The following FNDC4 variants were observed in gnomAD, a reference collection of about 807,000 sequenced individuals.
FNDC4 encodes fibronectin type III domain containing 4.
Under a neutral mutation model 25.1 loss-of-function variants are expected in FNDC4, and 11 were observed. The observed-to-expected ratio is 0.44, with a 90% CI of 0.28 to 0.73. The LOEUF (loss-of-function observed/expected upper bound fraction) is 0.73. Ranked by LOEUF, FNDC4 falls within the 30% of genes least tolerant of loss-of-function variation. FNDC4 has a pLI of 0.16. For synonymous variants in FNDC4, 136 were observed against 118.8 expected (o/e 1.14, Z -0.94); for missense variants, 250 against 304.3 (o/e 0.82, Z 1.33).
At position 27,494,343 on chromosome 2, in the gene FNDC4, A is replaced by G. The variant is rs779407934; in HGVS notation, c.249+8T>C. The G allele has an allele frequency of 6.2e-7, 1 of 1,605,872 alleles. No homozygotes were observed. The highest frequency in any genetic ancestry group is 2.2e-5 in the East Asian group (1 of 44,836). ...CACAGGTTGGGGGAGCAGAAGGGTG[A>G]TTCATACTTGCTGGGAAATGGAGTA... On this transcript the variant is annotated splice_region_variant and intron_variant, in intron 3 of 6. Transcript: ENST00000264703. This position sits in a 1 kb window ranked among gnomAD's most constrained non-coding sequence, Gnocchi z 4.6.
chr2:27,492,624 G>C lies in FNDC4; in HGVS notation c.669+42C>G, dbSNP rs374384935. On this transcript the variant is annotated intron_variant, in intron 6 of 6. Coordinates refer to ENST00000264703, the MANE Select transcript of FNDC4 (RefSeq NM_022823.3). This position sits in a 1 kb window ranked among gnomAD's most constrained non-coding sequence, Gnocchi z 4.1. Reference sequence around the variant, plus strand: ...CTTCCTTTCCCTGGCTGCCCCTCAGGGGCAGAATCACCCTTTCCGCCCTCA... The same window carrying C: ...CTTCCTTTCCCTGGCTGCCCCTCAGCGGCAGAATCACCCTTTCCGCCCTCA... 10 of 1,613,238 alleles carry C rather than the reference G, an allele frequency of 6.2e-6. No homozygotes were observed. Among genetic ancestry groups the C allele is most frequent in the Non-Finnish European group, 8.5e-6 (10 of 1,179,420 alleles).
chr2:27,494,234 G>T lies in FNDC4; in HGVS notation c.250-100C>A. 1 of 1,404,062 alleles carries T rather than the reference G, an allele frequency of 7.1e-7. No homozygotes were observed. Among genetic ancestry groups the T allele is most frequent in the Admixed American group, 1.9e-5 (1 of 52,404 alleles). The allele number at this position is 1,404,062 out of a possible 1,614,324, so 87.0% of individuals were successfully genotyped here. A position where few individuals can be genotyped will look rare whatever the true frequency, so the allele number is the denominator to read the frequency against. On this transcript the variant is annotated intron_variant, in intron 3 of 6. Coordinates refer to ENST00000264703, the MANE Select transcript of FNDC4 (RefSeq NM_022823.3). The surrounding 1 kb of genome is among the most constrained non-coding windows in gnomAD (Gnocchi z 4.6). ...AACATCCAAGCACTCCGGGGGAGTAGCGTGAAAAGGGCAGCCTGAGCCAGG... is the reference window on the plus strand; with the variant it reads ...AACATCCAAGCACTCCGGGGGAGTATCGTGAAAAGGGCAGCCTGAGCCAGG...
intron 5 of FNDC4, 22 bp downstream of exon 5, chr2:27,493,367 C>T (rs768167526): frequency 1.3e-6 from 2 of 1,596,778 alleles, no homozygotes; most frequent in South Asian, 1.1e-5. Flanking sequence ...GTCCCTGGTC[C>T]CCTGTCTAGC....
rs200359139 is a variant in FNDC4, at chr2:27,494,652, G to A, written c.28C>T (p.Pro10Ser). The A allele has an allele frequency of 2.5e-6, 4 of 1,582,206 alleles. No individual in the cohort carries two copies. The highest frequency in any genetic ancestry group is 1.9e-5 in the Admixed American group (1 of 51,732). Residue 10 changes from proline to serine, a missense_variant, in exon 2 of 7, where the codon CCC (proline) becomes TCC (serine). Pro to Ser is a moderately conservative substitution (Grantham distance 74). Transcript: ENST00000264703. This position sits in a 1 kb window ranked among gnomAD's most constrained non-coding sequence, Gnocchi z 4.6. The part of the protein sequence containing the change: MPSGCHSSP[P>S]SGLRGDMASL... The stretch of plus-strand genomic sequence containing the variant: ...GCCATGTCCCCACGGAGTCCGCTGG[G>A]GGGGGAACTGTGGCATCCGCTTGGC...
Position 27,494,417 on chromosome 2 carries a change from G to A in FNDC4, c.183C>T (p.Asn61=), listed in dbSNP as rs760863899. The A allele has an allele frequency of 1.9e-6, 3 of 1,614,114 alleles. No individual in the cohort carries two copies. Among genetic ancestry groups the A allele is most frequent in the African/African-American group, 2.7e-5 (2 of 74,940 alleles). Residue 61 remains asparagine (N), a synonymous_variant, in exon 3 of 7, where the codon AAC becomes AAT. Transcript: ENST00000264703. The surrounding 1 kb of genome is among the most constrained non-coding windows in gnomAD (Gnocchi z 4.6). ...VNVTVTHLRA[N]SATVSWDVPE... ...GGACGTCCCAGGACACAGTGGCCGA[G>A]TTGGCTCTGAGGTGAGTGACCGTCA...
At position 27,492,620 on chromosome 2, in the gene FNDC4, T is replaced by G; in HGVS notation, c.669+46A>C. 3 of 1,613,070 alleles carry G rather than the reference T, an allele frequency of 1.9e-6. No homozygotes were observed. The highest frequency in any genetic ancestry group is 2.5e-6 in the Non-Finnish European group (3 of 1,179,124). On this transcript the variant is annotated intron_variant, in intron 6 of 6. Transcript: ENST00000264703. This position sits in a 1 kb window ranked among gnomAD's most constrained non-coding sequence, Gnocchi z 4.1. The stretch of plus-strand genomic sequence containing the variant: ...CCTTCTTCCTTTCCCTGGCTGCCCC[T>G]CAGGGGCAGAATCACCCTTTCCGCC...
rs1461986116 is a variant in FNDC4 at position 27,494,097 on chromosome 2, A to G, written c.287T>C (p.Val96Ala). 1 of 1,613,912 alleles carries G rather than the reference A, an allele frequency of 6.2e-7. No homozygotes were observed. The change falls in exon 4 of 7, where the codon GTG becomes GCG. Residue 96 changes from valine (V) to alanine (A), a missense_variant. By Grantham distance (64) the Val-to-Ala change is moderately conservative. Transcript: ENST00000264703. This position sits in a 1 kb window ranked among gnomAD's most constrained non-coding sequence, Gnocchi z 4.6. ...GGCACAGGCCCGGGTGGTGGTGTTC[A>G]CCTCCCGAATCACACGCTGCCCGGG... ...NGPGQRVIRE[V>A]NTTTRACALW...
Position 27,492,380 on chromosome 2 carries a change from C to A in FNDC4, c.*63G>T. On this transcript the variant is annotated 3_prime_UTR_variant, in exon 7 of 7. Coordinates refer to ENST00000264703, the MANE Select transcript of FNDC4 (RefSeq NM_022823.3). The surrounding 1 kb of genome is among the most constrained non-coding windows in gnomAD (Gnocchi z 4.1). ...CTCGGGCAGATCACCATCTTGGGCT[C>A]CCCCTGACCCCATCCCTATCCCCAG... The A allele has an allele frequency of 6.2e-7, 1 of 1,606,468 alleles. No individual in the cohort carries two copies. The highest frequency in any genetic ancestry group is 8.5e-7 in the Non-Finnish European group (1 of 1,173,060).
Position 27,492,947 on chromosome 2 carries a change from A to G in FNDC4, c.545-157T>C, listed in dbSNP as rs556687709. On this transcript the variant is annotated intron_variant, in intron 5 of 6. Coordinates refer to ENST00000264703, the MANE Select transcript of FNDC4 (RefSeq NM_022823.3). The surrounding 1 kb of genome is among the most constrained non-coding windows in gnomAD (Gnocchi z 4.1). ...TCAACAGCCTCCTCTCCCTCTCTTC[A>G]AAGTTCAAATCATCCCTCCTGAACT... is the stretch of plus-strand genomic sequence containing the variant. Among the ~76,000 whole-genome samples the G allele has an allele frequency of 6.6e-6, 1 of 151,456 alleles. No homozygotes were observed. The highest frequency in any genetic ancestry group is 2.4e-5 in the African/African-American group (1 of 41,244).
chr2:27,493,213 T>G (rs932000944), intron 5 of FNDC4, among the ~76,000 whole-genome samples, 176 bp downstream of exon 5: 3 of 152,116 alleles, frequency 2.0e-5, no homozygotes, highest in Non-Finnish European at 4.4e-5. Context: ...GGTTTCACCA[T>G]GTTGGCCAGG....
rs776944180 is a variant in FNDC4 at position 27,494,534 on chromosome 2, C to G, written c.133+13G>C. The G allele has an allele frequency of 7.4e-6, 12 of 1,612,386 alleles. No individual in the cohort carries two copies. The highest frequency in any genetic ancestry group is 9.3e-6 in the Non-Finnish European group (11 of 1,179,240). The stretch of plus-strand genomic sequence containing the variant: ...GCTGTGGTTGACCCTCAGCCCCGTT[C>G]CCCTTTACTTACCTGCTCGCACGAA... On this transcript the variant is annotated intron_variant, in intron 2 of 6. Coordinates refer to ENST00000264703, the MANE Select transcript of FNDC4 (RefSeq NM_022823.3). The surrounding 1 kb of genome is among the most constrained non-coding windows in gnomAD (Gnocchi z 4.6).
chr2:27,492,804 C>T lies in FNDC4; in HGVS notation c.545-14G>A, dbSNP rs571104656. 1.2e-5 allele frequency: 19 copies of T among 1,613,954 alleles called. No homozygotes were observed. The South Asian group carries it at 1.2e-4, about 10-fold the overall frequency. ...GCCCAATTACAGCTGAAACACAATA[C>T]AGTCTGAGCCTTCATCTCCACTTCC... is the stretch of plus-strand genomic sequence containing the variant. On this transcript the variant is annotated splice_polypyrimidine_tract_variant and intron_variant, in intron 5 of 6. Transcript: ENST00000264703. This position sits in a 1 kb window ranked among gnomAD's most constrained non-coding sequence, Gnocchi z 4.1.
Position 27,494,671 on chromosome 2 carries a change from G to C in FNDC4, c.9C>G (p.Ser3Arg), listed in dbSNP as rs375968518. ...CGCTGGGGGGGGAACTGTGGCATCCGCTTGGCATCCGCTTGACATCCAGGC... is the reference window on the plus strand; with the variant it reads ...CGCTGGGGGGGGAACTGTGGCATCCCCTTGGCATCCGCTTGACATCCAGGC... MP[S>R]GCHSSPPSGL... The change falls in exon 2 of 7, where the codon AGC becomes AGG. Residue 3 changes from serine to arginine, a missense_variant. Coordinates refer to ENST00000264703, the MANE Select transcript of FNDC4 (RefSeq NM_022823.3). This position sits in a 1 kb window ranked among gnomAD's most constrained non-coding sequence, Gnocchi z 4.6. 1 of 1,552,208 alleles carries C rather than the reference G, an allele frequency of 6.4e-7. No individual in the cohort carries two copies. Among genetic ancestry groups the C allele is most frequent in the East Asian group, 2.3e-5 (1 of 42,858 alleles).
At chr2:27,493,031 CAG>C (rs1273367477) in intron 5 of FNDC4, among the ~76,000 whole-genome samples, 3 of 112,816 alleles carry the variant, frequency 2.7e-5, no homozygotes, top group Non-Finnish European at 1.7e-5. Context: ...TTTTTTGAGA[CAG>C]AGTCTCGTTC....
At chr2:27,493,784 C>A in intron 4 of FNDC4, 146 bp downstream of exon 4, 1 of 815,798 alleles carries the variant, frequency 1.2e-6, no homozygotes. Flanking sequence ...AATCCCCTTC[C>A]CACCTGCTTT....
At position 27,492,320 on chromosome 2, in the gene FNDC4, C is replaced by T. The variant is rs1669276097; in HGVS notation, c.*123G>A. 1 of 1,217,830 alleles carries T rather than the reference C, an allele frequency of 8.2e-7. No individual in the cohort carries two copies. The highest frequency in any genetic ancestry group is 2.3e-5 in the East Asian group (1 of 42,952). The allele number at this position is 1,217,830 out of a possible 1,614,324, so 75.4% of individuals were successfully genotyped here. ...AGTGGAAAGAGGATGGGTACCAGGC[C>T]TGAGATTGTGGGAGTGGCATTACCC... On this transcript the variant is annotated 3_prime_UTR_variant, in exon 7 of 7. Transcript: ENST00000264703. This position sits in a 1 kb window ranked among gnomAD's most constrained non-coding sequence, Gnocchi z 4.1.
In FNDC4 at chr2:27,493,926, T is replaced by C. The variant is rs555149490; in HGVS notation, c.454+4A>G. The stretch of plus-strand genomic sequence containing the variant: ...CCAGAGAATCCAATAGCACAGATCC[T>C]CACCTGGGCTTGAACTGTTTGAAGG... On this transcript the variant is annotated splice_donor_region_variant and intron_variant, in intron 4 of 6. Coordinates refer to ENST00000264703, the MANE Select transcript of FNDC4 (RefSeq NM_022823.3). 1.3e-5 allele frequency: 21 copies of C among 1,613,960 alleles called. No homozygotes were observed. In the East Asian group the frequency reaches 4.0e-4, roughly 31 times the overall value.
intron 4 of FNDC4, 106 bp downstream of exon 4, chr2:27,493,824 A>C: frequency 9.6e-7 from 1 of 1,043,782 alleles, no homozygotes; most frequent in East Asian, 2.4e-5. Flanking sequence ...ACAATGAATT[A>C]AATCATCCTA....
In FNDC4 at chr2:27,493,490, G is replaced by T; in HGVS notation, c.455-12C>A. 6.3e-7 allele frequency: 1 copy of T among 1,593,374 alleles called. No homozygotes were observed. On this transcript the variant is annotated splice_polypyrimidine_tract_variant and intron_variant, in intron 4 of 6. Transcript: ENST00000264703. ...CACTGTGATGTCACCTGAGAAGGGA[G>T]AAGGCAGAAGGCAGACTCCAGGTTA...
Sources: gnomAD v4.1 joint callset for allele counts (sites outside exome capture counted in the v4.1 genomes callset) on GRCh38, gnomAD v4.1.1 for gene constraint, Gnocchi (gnomAD v3.1) non-coding constraint, MANE v1.5 for transcripts, NCBI Gene and HGNC (gene_info 2026-07-23, HGNC 2026-07-21) for gene names.